Variants in HDAC8 observed in about 807,000 individuals in gnomAD.
HDAC8 encodes histone deacetylase 8.
In HDAC8, 1 loss-of-function variant was observed where a neutral mutation model predicts 32.2. The ratio of observed to expected loss-of-function variants is 0.03; its 90% CI spans 0.01 to 0.15. The LOEUF (loss-of-function observed/expected upper bound fraction) is 0.15, where lower values mean the gene tolerates loss of function less well. Among genes scored for constraint, HDAC8 ranks in the 10% least tolerant of loss-of-function variants. The pLI, the probability that HDAC8 is intolerant of heterozygous loss-of-function variation, is 1.00. For synonymous variants in HDAC8, 108 were observed against 113.9 expected (o/e 0.95, Z 0.33); for missense variants, 117 against 300.0 (o/e 0.39, Z 4.51).
intron 9 of HDAC8, among the ~76,000 whole-genome samples, chrX:72,358,958 G>A (rs2044454786): frequency 8.9e-6 from 1 of 111,981 alleles, no homozygotes; most frequent in African/African-American, 3.2e-5. Flanking sequence ...AGATGGTAAT[G>A]CTCACTTGCC....
At chrX:72,434,914 A>G (rs1416710436) in intron 9 of HDAC8, among the ~76,000 whole-genome samples, 3 of 112,097 alleles carry the variant, frequency 2.7e-5, no homozygotes, top group Non-Finnish European at 3.8e-5. Flanking sequence ...TTTTGTTACT[A>G]TGATCCTTCC....
chrX:72,437,715 G>A (rs1458172248), intron 9 of HDAC8, among the ~76,000 whole-genome samples: 4 of 111,961 alleles, frequency 3.6e-5, no homozygotes, highest in Admixed American at 1.9e-4. Flanking sequence ...CAGTGTAAAC[G>A]AAGCCTCTGG....
chrX:72,490,777 C>T (rs2048844849), intron 6 of HDAC8, 152 bp downstream of exon 6: 3 of 427,452 alleles, frequency 7.0e-6, no homozygotes, highest in South Asian at 8.3e-5. Context: ...ACAAAATTAT[C>T]TCCTATCTGA....
intron 9 of HDAC8, among the ~76,000 whole-genome samples, chrX:72,414,617 T>C (rs1455142272): frequency 1.8e-5 from 2 of 111,811 alleles, no homozygotes; most frequent in African/African-American, 6.5e-5. Context: ...TAAAGAAAGG[T>C]GGTGCATGAG....
chrX:72,457,396 A>G (rs1475361369), intron 9 of HDAC8, among the ~76,000 whole-genome samples: 1 of 112,326 alleles, frequency 8.9e-6, no homozygotes, highest in African/African-American at 3.2e-5. Flanking sequence ...AAAGACATGA[A>G]GATTATACAG....
chrX:72,427,869 T>C (rs1476075139), intron 9 of HDAC8, among the ~76,000 whole-genome samples: 1 of 112,274 alleles, frequency 8.9e-6, no homozygotes, highest in Non-Finnish European at 1.9e-5. Flanking sequence ...TGCATTTAAG[T>C]AATAAGACAT....
chrX:72,365,451 T>C (rs181110965), intron 9 of HDAC8, among the ~76,000 whole-genome samples: 8 of 111,532 alleles, frequency 7.2e-5, no homozygotes, highest in Non-Finnish European at 1.5e-4. Context: ...GTAAGTCATT[T>C]CTCAAGGGAA....
At position 72,526,693 on chromosome X, in the gene HDAC8, T is replaced by C. The variant is rs1407528674; in HGVS notation, c.438-31425A>G. On this transcript the variant is annotated intron_variant, in intron 4 of 10. Transcript: ENST00000373573. ...AATGCTTACCAGGCATCTTTCTACCTCTCAGGTACCTCGAAGACACCATGA... is the reference window on the plus strand; with the variant it reads ...AATGCTTACCAGGCATCTTTCTACCCCTCAGGTACCTCGAAGACACCATGA... 9.8e-5 allele frequency among the ~76,000 whole-genome samples: 11 copies of C among 111,698 alleles called. No homozygotes were observed. The East Asian group carries it at 3.1e-3, about 32-fold the overall frequency.
At chrX:72,409,035 C>T (rs187920278) in intron 9 of HDAC8, among the ~76,000 whole-genome samples, 89 of 112,185 alleles carry the variant, frequency 7.9e-4, no homozygotes, top group African/African-American at 2.9e-3. Context: ...CTTCTGAGAA[C>T]CACACTTTCA....
chrX:72,380,751 A>T (rs1295604427), intron 9 of HDAC8, among the ~76,000 whole-genome samples: 35 of 111,621 alleles, frequency 3.1e-4, no homozygotes, highest in East Asian at 2.8e-4. Context: ...ATATATAATT[A>T]AAAATGTTCT....
At chrX:72,444,391 T>A in intron 9 of HDAC8, among the ~76,000 whole-genome samples, 1 of 111,691 alleles carries the variant, frequency 9.0e-6, no homozygotes, top group Non-Finnish European at 1.9e-5. Flanking sequence ...TATACATAAA[T>A]CAATAAATGT....
At chrX:72,424,763 T>G (rs1287808689) in intron 9 of HDAC8, among the ~76,000 whole-genome samples, 1 of 111,806 alleles carries the variant, frequency 8.9e-6, no homozygotes, top group Non-Finnish European at 1.9e-5. Context: ...ACTTTCTGTC[T>G]CTATGACTTT....
In HDAC8 at chrX:72,490,853, G is replaced by T. The variant is rs1248440020; in HGVS notation, c.628+76C>A. The stretch of plus-strand genomic sequence containing the variant: ...AGTAAGGCATTAACAGCATGGAACT[G>T]TCCAAGTATAAGAAATGTGTAGAAG... On this transcript the variant is annotated intron_variant, in intron 6 of 10. Coordinates refer to ENST00000373573, the MANE Select transcript of HDAC8 (RefSeq NM_018486.3). 4.3e-5 allele frequency: 36 copies of T among 830,586 alleles called. 1 individual carries two copies. The South Asian group carries it at 7.6e-4, about 18-fold the overall frequency. The allele number at this position is 830,586 out of a possible 1,213,427, so 68.4% of individuals were successfully genotyped here.
intron 4 of HDAC8, among the ~76,000 whole-genome samples, chrX:72,498,433 T>A (rs2049101824): frequency 8.9e-6 from 1 of 111,931 alleles, no homozygotes; most frequent in South Asian, 3.7e-4. Flanking sequence ...TGATGCTGCT[T>A]TGCTAGATAT....
At chrX:72,382,781 G>A (rs1161922818) in intron 9 of HDAC8, among the ~76,000 whole-genome samples, 1 of 111,317 alleles carries the variant, frequency 9.0e-6, no homozygotes, top group African/African-American at 3.3e-5. Context: ...TCTTTTAGGG[G>A]GGATAATAAC....
intron 9 of HDAC8, among the ~76,000 whole-genome samples, chrX:72,375,044 GA>G (rs1422064511): frequency 1.3e-4 from 14 of 111,171 alleles, no homozygotes; most frequent in African/African-American, 4.3e-4. Flanking sequence ...GGTCTCAATT[GA>G]ACTCCTGGGC....
At chrX:72,493,926 C>T (rs781885782) in intron 5 of HDAC8, among the ~76,000 whole-genome samples, 9 of 111,399 alleles carry the variant, frequency 8.1e-5, no homozygotes, top group Non-Finnish European at 1.1e-4. Flanking sequence ...TGGTTTCAAA[C>T]AGTCCTCCCA....
At chrX:72,476,093 A>G (rs782214831) in intron 7 of HDAC8, among the ~76,000 whole-genome samples, 1 of 111,518 alleles carries the variant, frequency 9.0e-6, no homozygotes, top group Non-Finnish European at 1.9e-5. Context: ...TTTTAGAAGT[A>G]AACCATTCTC....
chrX:72,553,591 G>T (rs1178335100), intron 4 of HDAC8, among the ~76,000 whole-genome samples: 1 of 111,447 alleles, frequency 9.0e-6, no homozygotes, highest in African/African-American at 3.3e-5. Context: ...GGCTCATATT[G>T]GTAGGAGGGA....
Sources: allele counts gnomAD v4.1 joint callset (sites outside exome capture counted in the v4.1 genomes callset), GRCh38; gene constraint gnomAD v4.1.1; transcripts MANE v1.5; gene names NCBI Gene and HGNC (gene_info 2026-07-23, HGNC 2026-07-21).